Variants in PDE4D observed in about 807,000 individuals in gnomAD.
PDE4D encodes phosphodiesterase 4D.
In PDE4D, 24 loss-of-function variants were observed where a neutral mutation model predicts 87.4. The ratio of observed to expected loss-of-function variants is 0.27; its 90% CI spans 0.20 to 0.39. The LOEUF (loss-of-function observed/expected upper bound fraction) is 0.39, where lower values mean the gene tolerates loss of function less well. Ranked by LOEUF, PDE4D falls within the 10% of genes least tolerant of loss-of-function variation. The pLI is 1.00. For missense variants in PDE4D, 714 were observed against 1,041.0 expected, an observed-to-expected ratio of 0.69 and a Z score of 4.32; for synonymous variants, 384 against 383.2, an observed-to-expected ratio of 1.00 and a Z score of -0.02.
At chr5:60,338,484 C>CA in intron 1 of PDE4D, among the ~76,000 whole-genome samples, 1 of 152,282 alleles carries the variant, frequency 6.6e-6, no homozygotes. Context: ...GCTCTAGAGT[C>CA]AGAGTCCCAG....
At chr5:59,106,322 G>C (rs1056320603) in intron 5 of PDE4D, among the ~76,000 whole-genome samples, 16 of 152,244 alleles carry the variant, frequency 1.1e-4, no homozygotes, top group Non-Finnish European at 1.9e-4. Context: ...AGAGAGGGCA[G>C]ATTAGAATCT....
At chr5:59,859,889 C>G (rs1345253351) in intron 1 of PDE4D, among the ~76,000 whole-genome samples, 1 of 152,094 alleles carries the variant, frequency 6.6e-6, no homozygotes, top group Non-Finnish European at 1.5e-5. Flanking sequence ...ACAAATTGGT[C>G]CTCTAAAAGT....
intron 1 of PDE4D, among the ~76,000 whole-genome samples, chr5:60,408,848 T>C (rs1238784816): frequency 6.6e-6 from 1 of 152,246 alleles, no homozygotes; most frequent in Non-Finnish European, 1.5e-5. Flanking sequence ...TCCTTATTTC[T>C]GTGCTTATGC....
chr5:60,210,347 G>GT (rs200213636), intron 1 of PDE4D, among the ~76,000 whole-genome samples: 34 of 149,780 alleles, frequency 2.3e-4, no homozygotes, highest in South Asian at 2.1e-3. Flanking sequence ...TGTCTCATTT[G>GT]TTTTTTTTTT....
chr5:59,023,189 A>AAAG (rs536478976), intron 6 of PDE4D, among the ~76,000 whole-genome samples: 14,053 of 149,928 alleles, frequency 0.094, 973 homozygotes, highest in East Asian at 0.4. Flanking sequence ...AAAAAAAAAA[A>AAAG]AGAGAGAGAG....
intron 3 of PDE4D, among the ~76,000 whole-genome samples, chr5:59,972,800 A>C (rs944383857): frequency 6.6e-6 from 1 of 152,184 alleles, no homozygotes; most frequent in African/African-American, 2.4e-5. Flanking sequence ...CCATTTTTCC[A>C]CCTTGCAAGA....
At chr5:59,424,246 T>G (rs1266081059) in intron 1 of PDE4D, among the ~76,000 whole-genome samples, 1 of 152,202 alleles carries the variant, frequency 6.6e-6, no homozygotes, top group Non-Finnish European at 1.5e-5. Flanking sequence ...TTAAATCTGT[T>G]ACTGCTAATA....
intron 1 of PDE4D, among the ~76,000 whole-genome samples, chr5:59,807,246 G>C (rs964350761): frequency 6.6e-6 from 1 of 152,196 alleles, no homozygotes; most frequent in Non-Finnish European, 1.5e-5. Flanking sequence ...CCCTTCTCCA[G>C]TCCTGCCTCT....
chr5:59,597,437 T>G lies in PDE4D; in HGVS notation c.455+295731A>C, dbSNP rs566044432. Among the ~76,000 whole-genome samples the G allele has an allele frequency of 7.2e-5, 11 of 152,220 alleles. No individual in the cohort carries two copies. In the South Asian group the frequency reaches 1.0e-3, roughly 14 times the overall value. On this transcript the variant is annotated intron_variant, in intron 1 of 14. Transcript: ENST00000340635. ...ACATCTATTACACTTCCAATCAAAA[T>G]ACTAGCTTCTCATTTTCTCGAACCC...
At chr5:59,897,865 G>T (rs1751828456), upstream of PDE4D, among the ~76,000 whole-genome samples, 1 of 152,144 alleles carries the variant, frequency 6.6e-6, no homozygotes, top group Admixed American at 6.5e-5. Flanking sequence ...CAAAGGCATT[G>T]AAAGTCTCAG....
chr5:59,817,713 C>A (rs914074776), intron 1 of PDE4D, among the ~76,000 whole-genome samples: 3 of 151,600 alleles, frequency 2.0e-5, no homozygotes, highest in African/African-American at 7.3e-5. Flanking sequence ...CACAGGCATG[C>A]AGGCACGCGC....
intron 1 of PDE4D, among the ~76,000 whole-genome samples, chr5:60,335,282 G>C (rs1757653445): frequency 6.6e-6 from 1 of 152,242 alleles, no homozygotes; most frequent in African/African-American, 2.4e-5. Context: ...GAAGAGGAAT[G>C]AGAGAGTAGA....
At chr5:59,352,039 C>A (rs1016070235) in intron 1 of PDE4D, among the ~76,000 whole-genome samples, 1 of 152,112 alleles carries the variant, frequency 6.6e-6, no homozygotes. Flanking sequence ...CTTAAACTTG[C>A]TCTGCCTGGT....
At chr5:59,510,806 C>G (rs1329282237) in intron 1 of PDE4D, among the ~76,000 whole-genome samples, 2 of 151,870 alleles carry the variant, frequency 1.3e-5, no homozygotes, top group East Asian at 3.8e-4. Flanking sequence ...AAAGGAGCAC[C>G]AGTGAAAAGT....
intron 1 of PDE4D, among the ~76,000 whole-genome samples, chr5:59,582,383 A>G (rs1326651045): frequency 6.6e-6 from 1 of 152,180 alleles, no homozygotes; most frequent in Non-Finnish European, 1.5e-5. Flanking sequence ...TGTAATTTCA[A>G]TGTATGAAGA....
Position 59,967,702 on chromosome 5 carries a change from A to C in PDE4D, c.272+20786T>G, listed in dbSNP as rs559206988. 3.0e-3 allele frequency among the ~76,000 whole-genome samples: 452 copies of C among 152,290 alleles called. 3 individuals carry two copies. The highest frequency in any genetic ancestry group is 0.01 in the African/African-American group (434 of 41,576). ...AAGCAGTCTGGAGATTTCTCAAAGA[A>C]CTTAAAACAGAATTACCATTTGACC... On this transcript the variant is annotated intron_variant, in intron 3 of 16. Transcript: ENST00000502484.
At chr5:59,225,947 C>T (rs953319036) in intron 1 of PDE4D, among the ~76,000 whole-genome samples, 3 of 151,504 alleles carry the variant, frequency 2.0e-5, no homozygotes, top group Admixed American at 2.0e-4. Context: ...CAAAGGAAAA[C>T]CACAATGAGA....
At chr5:60,176,826 T>G (rs1783943724) in intron 2 of PDE4D, among the ~76,000 whole-genome samples, 2 of 152,138 alleles carry the variant, frequency 1.3e-5, no homozygotes, top group Non-Finnish European at 2.9e-5. Context: ...AAGGAGTTTT[T>G]TGTTGTGGGC....
At chr5:59,779,367 C>G (rs1218795089) in intron 1 of PDE4D, among the ~76,000 whole-genome samples, 1 of 152,158 alleles carries the variant, frequency 6.6e-6, no homozygotes, top group East Asian at 1.9e-4. Flanking sequence ...GTTTGTTCTT[C>G]TAGATCTGCA....
Sources: allele counts gnomAD v4.1 joint callset (sites outside exome capture counted in the v4.1 genomes callset), GRCh38; gene constraint gnomAD v4.1.1; transcripts MANE v1.5; gene names NCBI Gene and HGNC (gene_info 2026-07-23, HGNC 2026-07-21).